The following SP100 variants were observed in gnomAD, a reference collection of about 807,000 sequenced individuals.
SP100 encodes the protein nuclear autoantigen Sp-100.
SP100 carries 84 observed loss-of-function variants against 130.0 expected under a neutral mutation model. That is an observed-to-expected ratio of 0.65 (90% CI 0.54 to 0.77). The LOEUF (loss-of-function observed/expected upper bound fraction) is 0.77, where lower values mean the gene tolerates loss of function less well. SP100 is among the 30% of genes least tolerant of loss of function. SP100 has a pLI of 0.00. For synonymous variants in SP100, 331 were observed against 351.7 expected, an observed-to-expected ratio of 0.94 and a Z score of 0.66; for missense variants, 978 against 1,052.2, an observed-to-expected ratio of 0.93 and a Z score of 0.97.
At chr2:230,470,807 A>G (rs1343218907) in intron 15 of SP100, among the ~76,000 whole-genome samples, 2 of 152,198 alleles carry the variant, frequency 1.3e-5, no homozygotes, top group Admixed American at 6.5e-5. Flanking sequence ...CATTTAAGTC[A>G]AAGTCCAAAG....
At chr2:230,515,952 C>T (rs893833995) in intron 24 of SP100, 15 of 1,048,582 alleles carry the variant, frequency 1.4e-5, no homozygotes, top group Non-Finnish European at 1.7e-5. Flanking sequence ...TTTTCACCTT[C>T]AGTTGTCTCT....
intron 24 of SP100, among the ~76,000 whole-genome samples, chr2:230,532,322 T>C (rs1164040458): frequency 1.3e-5 from 2 of 152,188 alleles, no homozygotes; most frequent in Admixed American, 1.3e-4. Flanking sequence ...ATGATGTTTT[T>C]TTCCAAGGTA....
rs200337851 is a variant in SP100, at chr2:230,494,387, G to T, written c.1601-29G>T. 7.8e-5 allele frequency: 116 copies of T among 1,484,518 alleles called. 1 individual carries two copies. Among genetic ancestry groups the T allele is most frequent in the Admixed American group, 6.5e-4 (39 of 59,620 alleles). The allele number at this position is 1,484,518 out of a possible 1,614,324, so 92.0% of individuals were successfully genotyped here. On this transcript the variant is annotated intron_variant, in intron 17 of 28. Transcript: ENST00000340126. ...GTAAATCTTTGTTTATAGTTCTAAA[G>T]GATTATTTTCTTTCTTTTCTGTTTG... is the stretch of plus-strand genomic sequence containing the variant.
chr2:230,502,066 C>T (rs752361479), intron 19 of SP100, among the ~76,000 whole-genome samples: 26 of 148,206 alleles, frequency 1.8e-4, no homozygotes, highest in South Asian at 6.4e-4. Flanking sequence ...TTAGTAGAGA[C>T]GGAGTTTCAC....
At chr2:230,506,218 T>C (rs994207393) in intron 21 of SP100, 85 bp from the exon 22 acceptor site, 2 of 1,446,854 alleles carry the variant, frequency 1.4e-6, no homozygotes, top group Admixed American at 1.9e-5. Flanking sequence ...AAGCCCAAAG[T>C]GGGTGGCCCC....
intron 2 of SP100, among the ~76,000 whole-genome samples, chr2:230,424,697 G>C (rs2062870687): frequency 6.6e-6 from 1 of 151,558 alleles, no homozygotes; most frequent in Non-Finnish European, 1.5e-5. Context: ...TGGGGGTGGA[G>C]CAGGGAAGGG....
At chr2:230,461,155 T>C (rs1024221076) in intron 8 of SP100, 107 bp from the exon 9 acceptor site, 11 of 1,005,208 alleles carry the variant, frequency 1.1e-5, no homozygotes, top group Middle Eastern at 2.7e-4. Context: ...GGAGGTGGGG[T>C]GAAGGTCTAG....
intron 2 of SP100, among the ~76,000 whole-genome samples, chr2:230,434,269 T>C (rs1168658883): frequency 6.6e-6 from 1 of 152,190 alleles, no homozygotes; most frequent in African/African-American, 2.4e-5. Context: ...TTCAACAGTG[T>C]ATATTTACAA....
chr2:230,436,971 T>TACACACAA (rs1224028922), intron 2 of SP100, among the ~76,000 whole-genome samples: 4,564 of 128,650 alleles, frequency 0.035, 153 homozygotes, highest in Non-Finnish European at 0.047. Context: ...CACATATATA[T>TACACACAA]GTGTATACAC....
chr2:230,445,541 G>A (rs1226472842), intron 4 of SP100, among the ~76,000 whole-genome samples: 2 of 152,178 alleles, frequency 1.3e-5, no homozygotes, highest in African/African-American at 4.8e-5. Flanking sequence ...AACAAGGAAA[G>A]AAGTGTAAGC....
At chr2:230,443,273 G>A (rs1391685238) in intron 3 of SP100, among the ~76,000 whole-genome samples, 174 bp downstream of exon 3, 1 of 152,180 alleles carries the variant, frequency 6.6e-6, no homozygotes, top group Non-Finnish European at 1.5e-5. Flanking sequence ...AAGGAGAGGA[G>A]AAGCAGAGGT....
At chr2:230,473,471 G>A in intron 16 of SP100, 31 bp downstream of exon 16, 1 of 1,309,538 alleles carries the variant, frequency 7.6e-7, no homozygotes, top group South Asian at 1.2e-5. Context: ...TGGGATGGAA[G>A]TGGCTCAGTG....
chr2:230,531,035 G>A (rs1256071875), intron 24 of SP100, among the ~76,000 whole-genome samples: 2 of 152,216 alleles, frequency 1.3e-5, no homozygotes, highest in African/African-American at 4.8e-5. Context: ...TCTAGAGCTA[G>A]AAATACTATT....
At chr2:230,472,392 C>T (rs933036989) in intron 15 of SP100, among the ~76,000 whole-genome samples, 1 of 136,344 alleles carries the variant, frequency 7.3e-6, no homozygotes, top group African/African-American at 2.8e-5. Context: ...CGCACCACTG[C>T]ACTCCAGCCT....
chr2:230,518,733 C>T (rs7570691), intron 24 of SP100, among the ~76,000 whole-genome samples: 61,583 of 151,840 alleles, frequency 0.41, 13,871 homozygotes, highest in South Asian at 0.56. Context: ...TTCCTGTCAA[C>T]CAATTTTATA....
At chr2:230,429,472 G>A (rs111852601) in intron 2 of SP100, among the ~76,000 whole-genome samples, 4,089 of 152,224 alleles carry the variant, frequency 0.027, 104 homozygotes, top group Non-Finnish European at 0.038. Flanking sequence ...TTTCAGCCCA[G>A]TGAATCTAGA....
At chr2:230,523,470 C>T (rs1171450009) in intron 24 of SP100, among the ~76,000 whole-genome samples, 1 of 152,048 alleles carries the variant, frequency 6.6e-6, no homozygotes, top group Non-Finnish European at 1.5e-5. Flanking sequence ...CGTTTGAGAC[C>T]AGCCTGGGCA....
chr2:230,489,325 T>C (rs1308529586), intron 17 of SP100, among the ~76,000 whole-genome samples: 2 of 152,220 alleles, frequency 1.3e-5, no homozygotes, highest in Non-Finnish European at 2.9e-5. Flanking sequence ...GTTTATAGTA[T>C]TCTCTGATGG....
chr2:230,483,117 A>G (rs2065908621), intron 17 of SP100, among the ~76,000 whole-genome samples: 2 of 152,216 alleles, frequency 1.3e-5, no homozygotes, highest in South Asian at 4.1e-4. Context: ...AGTGAGAAAA[A>G]TCTCATCGAG....
Sources: allele counts gnomAD v4.1 joint callset (sites outside exome capture counted in the v4.1 genomes callset), GRCh38; gene constraint gnomAD v4.1.1; transcripts MANE v1.5; gene names NCBI Gene and HGNC (gene_info 2026-07-23, HGNC 2026-07-21).